The following TRAPPC12 variants were observed in gnomAD, a reference collection of about 807,000 sequenced individuals.
TRAPPC12 encodes TPR repeat protein 15.
TRAPPC12 carries 61 observed loss-of-function variants against 69.2 expected under a neutral mutation model. The observed-to-expected ratio is 0.88, with a 90% CI of 0.72 to 1.09. The LOEUF (loss-of-function observed/expected upper bound fraction) is 1.09. TRAPPC12 is among the 50% of genes least tolerant of loss of function. The pLI, the probability that TRAPPC12 is intolerant of heterozygous loss-of-function variation, is 0.00. For synonymous variants in TRAPPC12, 469 were observed against 438.9 expected (o/e 1.07, Z -0.86); for missense variants, 1,101 against 1,016.4 (o/e 1.08, Z -1.13).
chr2:3,393,508 T>TACAC (rs535477529), intron 2 of TRAPPC12, among the ~76,000 whole-genome samples: 15 of 151,486 alleles, frequency 9.9e-5, no homozygotes, highest in Non-Finnish European at 2.2e-4. Context: ...CCCTCACACA[T>TACAC]ATACACACAC....
chr2:3,457,590 A>G (rs1432872597), intron 6 of TRAPPC12, 31 bp from the exon 7 acceptor site: 1 of 1,603,754 alleles, frequency 6.2e-7, no homozygotes, highest in Non-Finnish European at 8.5e-7. Context: ...GGTTCCCATG[A>G]TTTTGTCCTT....
intron 6 of TRAPPC12, among the ~76,000 whole-genome samples, chr2:3,453,389 T>A (rs1348887497): frequency 1.3e-5 from 2 of 152,150 alleles, no homozygotes; most frequent in Non-Finnish European, 2.9e-5. Flanking sequence ...TTTCTGCCCC[T>A]CGGCCCCTGT....
chr2:3,423,067 G>A (rs925474344), intron 4 of TRAPPC12, among the ~76,000 whole-genome samples: 1 of 152,192 alleles, frequency 6.6e-6, no homozygotes, highest in Non-Finnish European at 1.5e-5. Context: ...TTGATCAGGT[G>A]TTGGCACTAG....
At chr2:3,418,982 C>T (rs1662612394) in intron 3 of TRAPPC12, among the ~76,000 whole-genome samples, 1 of 152,228 alleles carries the variant, frequency 6.6e-6, no homozygotes, top group Non-Finnish European at 1.5e-5. Flanking sequence ...CACCGCCTCC[C>T]TCCGGCCCGC....
In TRAPPC12 at chr2:3,477,802, AT is replaced by A. The variant is rs760224752; in HGVS notation, c.1877+11del. On this transcript the variant is annotated splice_region_variant and intron_variant, in intron 10 of 11. Coordinates refer to ENST00000324266, the MANE Select transcript of TRAPPC12 (RefSeq NM_016030.6). Reference sequence around the variant, plus strand: ...TCATGGTTTTGATGAACAGGTAAATATTTTAAAACTAAATATATGTTTTCTC... The same window carrying A: ...TCATGGTTTTGATGAACAGGTAAATATTTAAAACTAAATATATGTTTTCTC... 1 of 1,559,034 alleles carries A rather than the reference AT, an allele frequency of 6.4e-7. No individual in the cohort carries two copies. Among genetic ancestry groups the A allele is most frequent in the South Asian group, 1.2e-5 (1 of 85,574 alleles).
At chr2:3,477,655 T>G (rs887115226) in intron 9 of TRAPPC12, 40 bp from the exon 10 acceptor site, 1 of 1,294,200 alleles carries the variant, frequency 7.7e-7, no homozygotes, top group African/African-American at 1.5e-5. Context: ...GACTTAATAT[T>G]TCTTTTGTCA....
intron 6 of TRAPPC12, among the ~76,000 whole-genome samples, chr2:3,453,738 G>T (rs545438716): frequency 6.6e-6 from 1 of 152,262 alleles, no homozygotes; most frequent in East Asian, 1.9e-4. Context: ...AATTCCAGCC[G>T]CACCACATTT....
intron 5 of TRAPPC12, among the ~76,000 whole-genome samples, chr2:3,439,466 T>A (rs1490759747): frequency 6.6e-6 from 1 of 152,098 alleles, no homozygotes; most frequent in African/African-American, 2.4e-5. Context: ...GTATTTTTTG[T>A]AGAAACAAAA....
At position 3,472,748 on chromosome 2, in the gene TRAPPC12, C is replaced by T. The variant is rs1220455241; in HGVS notation, c.1777-4947C>T. Reference sequence around the variant, plus strand: ...ACTTACATCCAGAATATATGAAGAACTCTTACAGCTGCTAAATTAAAAACG... The same window carrying T: ...ACTTACATCCAGAATATATGAAGAATTCTTACAGCTGCTAAATTAAAAACG... On this transcript the variant is annotated intron_variant, in intron 9 of 11. Coordinates refer to ENST00000324266, the MANE Select transcript of TRAPPC12 (RefSeq NM_016030.6). The T allele has an allele frequency of 2.6e-5, 4 of 152,202 alleles. No individual in the cohort carries two copies. In the East Asian group the frequency reaches 7.7e-4, roughly 29 times the overall value. The allele number at this position is 152,202 out of a possible 1,614,324, so 9.4% of individuals were successfully genotyped here.
At chr2:3,419,664 A>G (rs1439532810) in intron 3 of TRAPPC12, among the ~76,000 whole-genome samples, 1 of 150,414 alleles carries the variant, frequency 6.6e-6, no homozygotes, top group African/African-American at 2.5e-5. Context: ...AAAAAAATCT[A>G]CAAGATAGAG....
At chr2:3,476,934 A>G (rs1003075536) in intron 9 of TRAPPC12, among the ~76,000 whole-genome samples, 1 of 152,230 alleles carries the variant, frequency 6.6e-6, no homozygotes, top group African/African-American at 2.4e-5. Flanking sequence ...TACCCTCGTG[A>G]GCGCGGCTTG....
intron 3 of TRAPPC12, among the ~76,000 whole-genome samples, chr2:3,410,013 T>C (rs923239351): frequency 6.6e-6 from 1 of 152,142 alleles, no homozygotes; most frequent in African/African-American, 2.4e-5. Context: ...ACCTGGGAGA[T>C]GCAGGTGGAA....
At chr2:3,394,645 A>G (rs1226745386) in intron 2 of TRAPPC12, among the ~76,000 whole-genome samples, 2 of 149,828 alleles carry the variant, frequency 1.3e-5, no homozygotes, top group Non-Finnish European at 3.0e-5. Context: ...AAGGGGGGGG[A>G]GATCAGAGAT....
chr2:3,435,137 C>T (rs767140135), intron 5 of TRAPPC12, among the ~76,000 whole-genome samples: 8 of 152,164 alleles, frequency 5.3e-5, no homozygotes, highest in Non-Finnish European at 7.3e-5. Context: ...CTCAGCCTCC[C>T]GAGTAGCTGA....
chr2:3,479,174 T>C, intron 11 of TRAPPC12, 45 bp from the exon 12 acceptor site: 1 of 1,591,034 alleles, frequency 6.3e-7, no homozygotes, highest in South Asian at 1.1e-5. Flanking sequence ...GGCGGGCGTC[T>C]GTCCTGGTTG....
At chr2:3,444,971 CGG>C (rs1664432905) in intron 6 of TRAPPC12, among the ~76,000 whole-genome samples, 1 of 152,134 alleles carries the variant, frequency 6.6e-6, no homozygotes, top group South Asian at 2.1e-4. Flanking sequence ...AATCTTAAAA[CGG>C]GGTTTAATTT....
intron 8 of TRAPPC12, among the ~76,000 whole-genome samples, chr2:3,462,380 C>CA (rs1375445250): frequency 1.3e-5 from 2 of 152,002 alleles, no homozygotes; most frequent in African/African-American, 4.8e-5. Flanking sequence ...AAAAAGGAGG[C>CA]AAAAATGTTG....
Position 3,424,557 on chromosome 2 carries a change from G to A in TRAPPC12, c.1311G>A (p.Lys437=), listed in dbSNP as rs1662988278. Reference sequence around the variant, plus strand: ...TTGTCAGGCTGGCACTACTAGTGAAGTTGGGCCTTTTCCAGAATGCTGAGA... The same window carrying A: ...TTGTCAGGCTGGCACTACTAGTGAAATTGGGCCTTTTCCAGAATGCTGAGA... ...LWFVRLALLV[K]LGLFQNAEME... is the part of the protein sequence containing the mutation. Residue 437 remains lysine (K), a synonymous_variant, in exon 5 of 12, where the codon AAG becomes AAA. Transcript: ENST00000324266. 6.2e-7 allele frequency: 1 copy of A among 1,613,716 alleles called. No individual in the cohort carries two copies.
At position 3,425,028 on chromosome 2, in the gene TRAPPC12, C is replaced by T. The variant is rs566594070; in HGVS notation, c.1417+365C>T. Among the ~76,000 whole-genome samples the T allele has an allele frequency of 4.6e-5, 7 of 152,358 alleles. No individual in the cohort carries two copies. In the East Asian group the frequency reaches 5.8e-4, roughly 13 times the overall value. On this transcript the variant is annotated intron_variant, in intron 5 of 11. Coordinates refer to ENST00000324266, the MANE Select transcript of TRAPPC12 (RefSeq NM_016030.6). ...AGAGATGCAGAGCGGTGGAACCAAA[C>T]GTGTCCGTGCATATGGCACACGCCG...
Sources: allele counts gnomAD v4.1 joint callset (sites outside exome capture counted in the v4.1 genomes callset), GRCh38; gene constraint gnomAD v4.1.1; transcripts MANE v1.5; gene names NCBI Gene and HGNC (gene_info 2026-07-23, HGNC 2026-07-21).